LRRC37A2: variants seen among roughly 807,000 people sequenced by gnomAD.
The protein encoded by LRRC37A2 is leucine rich repeat containing 37 member A2.
A neutral mutation model predicts 68.8 loss-of-function variants in LRRC37A2; 9 were observed. The observed-to-expected ratio is 0.13, with a 90% CI of 0.08 to 0.23. The LOEUF (loss-of-function observed/expected upper bound fraction) is 0.23, where lower values mean the gene tolerates loss of function less well. Ranked by LOEUF, LRRC37A2 falls within the 10% of genes least tolerant of loss-of-function variation. The probability of loss-of-function intolerance (pLI) is 1.00; values close to 1 mark genes in which losing one functional copy is unlikely to be tolerated. For missense variants in LRRC37A2, 168 were observed against 950.4 expected (o/e 0.18, Z 10.82); for synonymous variants, 63 against 367.6 (o/e 0.17, Z 9.48).
chr17:46,967,942 C>T, the LRRC37A2 span, among the ~76,000 whole-genome samples: 1 of 152,180 alleles, frequency 6.6e-6, no homozygotes, highest in Non-Finnish European at 1.5e-5. Context: ...CAGAATCCGA[C>T]AGGCTTGGTG....
chr17:46,691,953 A>G, the LRRC37A2 span, among the ~76,000 whole-genome samples: 4 of 150,458 alleles, frequency 2.7e-5, no homozygotes, highest in African/African-American at 9.9e-5. Context: ...GGGTTTCACC[A>G]TGTTGGCCAG....
At chr17:46,633,937 T>C in the LRRC37A2 span, among the ~76,000 whole-genome samples, 1 of 66,342 alleles carries the variant, frequency 1.5e-5, no homozygotes, top group Non-Finnish European at 2.6e-5. Context: ...AATGGTGCGA[T>C]CTTGGCTCAC....
the LRRC37A2 span, among the ~76,000 whole-genome samples, chr17:46,598,625 T>A: frequency 6.6e-6 from 1 of 152,084 alleles, no homozygotes; most frequent in African/African-American, 2.4e-5. Flanking sequence ...ATGTTAGAGG[T>A]AAAATTTGTC....
At chr17:46,767,978 G>A in the LRRC37A2 span, among the ~76,000 whole-genome samples, 2 of 151,980 alleles carry the variant, frequency 1.3e-5, no homozygotes, top group African/African-American at 4.8e-5. Flanking sequence ...TAGTAGAGAC[G>A]GGTTTCACCA....
At chr17:46,956,252 A>G in the LRRC37A2 span, among the ~76,000 whole-genome samples, 1 of 147,306 alleles carries the variant, frequency 6.8e-6, no homozygotes. Context: ...TACCCGCCTA[A>G]GGCCAGGATT....
chr17:46,548,739 T>C, exon 10 of LRRC37A2: 1 of 1,610,432 alleles, frequency 6.2e-7, no homozygotes, highest in African/African-American at 1.4e-5. Context: ...TGGAGAACGC[T>C]GCCGAAGAAA....
the LRRC37A2 span, chr17:46,931,362 A>G: frequency 1.1e-5 from 7 of 664,046 alleles, no homozygotes; most frequent in Middle Eastern, 2.5e-4. Flanking sequence ...GCACAATTCT[A>G]TCTGAGTGAT....
At chr17:46,982,320 G>A in the LRRC37A2 span, among the ~76,000 whole-genome samples, 1 of 152,144 alleles carries the variant, frequency 6.6e-6, no homozygotes, top group Non-Finnish European at 1.5e-5. Flanking sequence ...TACCTTGATT[G>A]CATCCAGCTG....
At chr17:46,877,059 T>C in the LRRC37A2 span, 1 of 1,111,886 alleles carries the variant, frequency 9.0e-7, no homozygotes, top group African/African-American at 1.6e-5. Flanking sequence ...GGCTATTCCA[T>C]CTTGCTTCCT....
chr17:46,781,412 CA>C, the LRRC37A2 span, among the ~76,000 whole-genome samples: 283 of 111,612 alleles, frequency 2.5e-3, no homozygotes, highest in Non-Finnish European at 2.5e-3. Flanking sequence ...GACTCTGTCT[CA>C]AAAAAAAAAA....
chr17:46,915,829 C>A, the LRRC37A2 span, among the ~76,000 whole-genome samples: 81 of 152,346 alleles, frequency 5.3e-4, no homozygotes, highest in African/African-American at 1.8e-3. Flanking sequence ...TGCTGACCAG[C>A]ACAGTATTTA....
the LRRC37A2 span, among the ~76,000 whole-genome samples, chr17:46,896,434 GA>G: frequency 9.6e-6 from 1 of 103,910 alleles, no homozygotes; most frequent in African/African-American, 7.6e-5. Flanking sequence ...AAGAAAGAAA[GA>G]AAGAAAGAAA....
At chr17:46,996,957 AT>A in the LRRC37A2 span, among the ~76,000 whole-genome samples, 4 of 152,228 alleles carry the variant, frequency 2.6e-5, no homozygotes, top group African/African-American at 9.6e-5. Flanking sequence ...CCCAGAATTG[AT>A]GAGATAAGAC....
At chr17:47,021,150 G>A in the LRRC37A2 span, among the ~76,000 whole-genome samples, 5 of 152,194 alleles carry the variant, frequency 3.3e-5, no homozygotes, top group African/African-American at 1.2e-4. Context: ...ACACAATGAG[G>A]TATGGAAAGC....
the LRRC37A2 span, among the ~76,000 whole-genome samples, chr17:46,884,606 A>C: frequency 1.3e-5 from 2 of 152,230 alleles, no homozygotes; most frequent in Admixed American, 1.3e-4. Context: ...TGTTTTGCGC[A>C]GGCTTCATAC....
At chr17:46,950,416 A>G in the LRRC37A2 span, among the ~76,000 whole-genome samples, 912 of 152,320 alleles carry the variant, frequency 6.0e-3, 4 homozygotes, top group African/African-American at 0.021. Flanking sequence ...GAGAAGATGA[A>G]GTTGCTAAGT....
the LRRC37A2 span, among the ~76,000 whole-genome samples, chr17:46,902,280 G>C: frequency 6.6e-6 from 1 of 152,198 alleles, no homozygotes; most frequent in African/African-American, 2.4e-5. Context: ...ATCAAGCCCA[G>C]TCTTCAGCTG....
the LRRC37A2 span, among the ~76,000 whole-genome samples, chr17:46,856,531 C>G: frequency 2.1e-3 from 322 of 150,750 alleles, 1 homozygote; most frequent in Admixed American, 3.1e-3. Flanking sequence ...GTCGCCCAGG[C>G]TGGAATGCAG....
At chr17:47,021,847 C>T in the LRRC37A2 span, 3 of 1,490,886 alleles carry the variant, frequency 2.0e-6, no homozygotes, top group South Asian at 2.3e-5. Flanking sequence ...TGTTTCTTCA[C>T]AGAAATTTCC....
Sources: gnomAD v4.1 joint callset for allele counts (sites outside exome capture counted in the v4.1 genomes callset) on GRCh38, gnomAD v4.1.1 for gene constraint, MANE v1.5 for transcripts, NCBI Gene and HGNC (gene_info 2026-07-23, HGNC 2026-07-21) for gene names.